Variants in MALRD1 observed in about 807,000 individuals in gnomAD.
MALRD1 encodes MAM and LDL-receptor class A domain-containing protein 1.
A neutral mutation model predicts 242.1 loss-of-function variants in MALRD1; 247 were observed. That is an observed-to-expected ratio of 1.02 (90% CI 0.92 to 1.13). The LOEUF (loss-of-function observed/expected upper bound fraction) is 1.13, where lower values mean the gene tolerates loss of function less well. Ranked by LOEUF, MALRD1 falls within the 50% of genes most tolerant of loss-of-function variation. The pLI is 0.00. For missense variants in MALRD1, 2,989 were observed against 2,533.1 expected (o/e 1.18, Z -3.86); for synonymous variants, 995 against 866.6 (o/e 1.15, Z -2.60).
At chr10:19,120,356 GA>G (rs1837018880) in intron 5 of MALRD1, among the ~76,000 whole-genome samples, 1 of 152,086 alleles carries the variant, frequency 6.6e-6, no homozygotes, top group African/African-American at 2.4e-5. Context: ...ATATGTTGAT[GA>G]AAAAAATTAA....
chr10:19,441,049 G>C (rs989736022), intron 28 of MALRD1, among the ~76,000 whole-genome samples: 6 of 152,130 alleles, frequency 3.9e-5, no homozygotes, highest in African/African-American at 1.4e-4. Flanking sequence ...ACTGGTGTGA[G>C]ATGGTATCCC....
At chr10:19,640,026 A>G (rs568517185) in intron 36 of MALRD1, among the ~76,000 whole-genome samples, 6 of 152,168 alleles carry the variant, frequency 3.9e-5, no homozygotes, top group Non-Finnish European at 5.9e-5. Flanking sequence ...GAGTAAATGC[A>G]GTTACTCCCC....
chr10:19,477,617 T>C (rs1487200385), intron 29 of MALRD1, among the ~76,000 whole-genome samples: 1 of 151,704 alleles, frequency 6.6e-6, no homozygotes, highest in African/African-American at 2.4e-5. Context: ...AGGGTGGAGG[T>C]TTAATAGGCG....
chr10:19,257,795 G>A (rs1307020915), intron 19 of MALRD1, 24 bp downstream of exon 19: 4 of 1,410,484 alleles, frequency 2.8e-6, no homozygotes, highest in Non-Finnish European at 3.8e-6. Flanking sequence ...TTTCAATTTG[G>A]GGTTATTTCT....
At chr10:19,583,850 G>A (rs1837253433) in intron 33 of MALRD1, among the ~76,000 whole-genome samples, 1 of 152,098 alleles carries the variant, frequency 6.6e-6, no homozygotes, top group Non-Finnish European at 1.5e-5. Flanking sequence ...AATCCATCTA[G>A]TCCTGGACTC....
intron 26 of MALRD1, among the ~76,000 whole-genome samples, chr10:19,370,623 G>A (rs1196339890): frequency 1.3e-5 from 2 of 151,884 alleles, no homozygotes; most frequent in African/African-American, 2.4e-5. Flanking sequence ...TGTTGCCCAG[G>A]GTTTACTGCA....
At chr10:19,328,561 A>G (rs1843233794) in intron 23 of MALRD1, among the ~76,000 whole-genome samples, 1 of 152,146 alleles carries the variant, frequency 6.6e-6, no homozygotes, top group Admixed American at 6.6e-5. Context: ...GAATGTTCAG[A>G]TAAATACATC....
At chr10:19,065,858 G>A (rs561374927) in intron 1 of MALRD1, among the ~76,000 whole-genome samples, 11 of 152,198 alleles carry the variant, frequency 7.2e-5, no homozygotes, top group South Asian at 2.1e-4. Context: ...TCAGGAGTAC[G>A]TCTCAGCCAC....
chr10:19,517,938 T>C (rs1354020576), intron 31 of MALRD1, among the ~76,000 whole-genome samples: 1 of 152,138 alleles, frequency 6.6e-6, no homozygotes, highest in Non-Finnish European at 1.5e-5. Context: ...TTAGCAGAGT[T>C]TATTTTTGCA....
chr10:19,114,436 A>G (rs534924921), intron 5 of MALRD1, among the ~76,000 whole-genome samples: 2 of 152,278 alleles, frequency 1.3e-5, no homozygotes, highest in East Asian at 3.9e-4. Context: ...CAGGAGTTCG[A>G]GACCAGCCTG....
At chr10:19,543,753 A>G (rs1483458894) in intron 32 of MALRD1, among the ~76,000 whole-genome samples, 1 of 152,160 alleles carries the variant, frequency 6.6e-6, no homozygotes, top group Non-Finnish European at 1.5e-5. Flanking sequence ...TTCTTGGCAA[A>G]CAACTTTGTA....
At chr10:19,096,714 G>T (rs767416722) in intron 4 of MALRD1, among the ~76,000 whole-genome samples, 1 of 152,174 alleles carries the variant, frequency 6.6e-6, no homozygotes, top group Non-Finnish European at 1.5e-5. Context: ...GCTGCCTCAA[G>T]AACTTACAAG....
intron 21 of MALRD1, among the ~76,000 whole-genome samples, chr10:19,303,013 G>A (rs540360560): frequency 6.6e-6 from 1 of 151,476 alleles, no homozygotes; most frequent in Non-Finnish European, 1.5e-5. Context: ...ATGGTAAGGT[G>A]GTAAAATTGA....
At chr10:19,243,357 G>A (rs192182352) in intron 18 of MALRD1, among the ~76,000 whole-genome samples, 7 of 151,936 alleles carry the variant, frequency 4.6e-5, no homozygotes, top group East Asian at 3.9e-4. Flanking sequence ...AACTGGTGTC[G>A]GTGTATTTAA....
At position 19,530,959 on chromosome 10, in the gene MALRD1, ATTACT is replaced by A. The variant is rs556652268; in HGVS notation, c.5321-231_5321-227del. ...CCTTCATATTCAAAACCAATATTTG[ATTACT>A]TTATTAGTCACTGGCTCAAGGGAAT... On this transcript the variant is annotated intron_variant, in intron 31 of 39. Coordinates refer to ENST00000454679, the MANE Select transcript of MALRD1 (RefSeq NM_001142308.3). 2.2e-3 allele frequency among the ~76,000 whole-genome samples: 328 copies of A among 152,280 alleles called. 1 individual carries two copies. The highest frequency in any genetic ancestry group is 0.01 in the Middle Eastern group (3 of 294).
At chr10:19,130,748 T>C (rs1330019244) in intron 8 of MALRD1, among the ~76,000 whole-genome samples, 1 of 152,164 alleles carries the variant, frequency 6.6e-6, no homozygotes, top group Non-Finnish European at 1.5e-5. Context: ...TATGTAATTA[T>C]GAATGTATAT....
chr10:19,674,848 A>G (rs1435477564), intron 36 of MALRD1, among the ~76,000 whole-genome samples: 9 of 149,920 alleles, frequency 6.0e-5, no homozygotes, highest in African/African-American at 2.2e-4. Context: ...TTTCCTCTCT[A>G]TTTCTTCTTC....
intron 36 of MALRD1, among the ~76,000 whole-genome samples, chr10:19,652,185 G>A (rs538174109): frequency 6.6e-6 from 1 of 152,238 alleles, no homozygotes; most frequent in African/African-American, 2.4e-5. Context: ...GGCTGATGTG[G>A]AAACCAAAAA....
intron 21 of MALRD1, among the ~76,000 whole-genome samples, chr10:19,285,092 TG>T (rs1841041301): frequency 7.4e-6 from 1 of 135,384 alleles, no homozygotes; most frequent in African/African-American, 3.0e-5. Flanking sequence ...CACTTTTTGT[TG>T]GGGTTGTTTG....
Sources: allele counts gnomAD v4.1 joint callset (sites outside exome capture counted in the v4.1 genomes callset), GRCh38; gene constraint gnomAD v4.1.1; transcripts MANE v1.5; gene names NCBI Gene and HGNC (gene_info 2026-07-23, HGNC 2026-07-21).